Variants in ZNF143 observed in about 807,000 individuals in gnomAD.
ZNF143 encodes the protein SPH-binding factor.
ZNF143 carries 49 observed loss-of-function variants against 74.1 expected under a neutral mutation model. That is an observed-to-expected ratio of 0.66 (90% confidence interval 0.53 to 0.84). The LOEUF (loss-of-function observed/expected upper bound fraction) is 0.84. ZNF143 is among the 40% of genes least tolerant of loss of function. The pLI, the probability that ZNF143 is intolerant of heterozygous loss-of-function variation, is 0.00. For missense variants in ZNF143, 637 were observed against 793.4 expected (o/e 0.80, Z 2.37); for synonymous variants, 304 against 282.8 (o/e 1.07, Z -0.75).
At chr11:9,469,634 T>C (rs1052051131) in intron 1 of ZNF143, among the ~76,000 whole-genome samples, 3 of 152,196 alleles carry the variant, frequency 2.0e-5, no homozygotes, top group Non-Finnish European at 2.9e-5. Context: ...TGAACAGTTA[T>C]AGATTATGGA....
In ZNF143 at chr11:9,513,948, A is replaced by G. The variant is rs373177795; in HGVS notation, c.1524+1352A>G. ...ATCTGTTCCATTGTTGGATAATTCT[A>G]GTGTTTGTTTGTGTGGTTTTAGAGA... is the stretch of plus-strand genomic sequence containing the variant. On this transcript the variant is annotated intron_variant, in intron 13 of 15. Transcript: ENST00000396602. Among the ~76,000 whole-genome samples, 12 of 152,286 alleles carry G rather than the reference A, an allele frequency of 7.9e-5. No individual in the cohort carries two copies. In the East Asian group the frequency reaches 1.2e-3, roughly 15 times the overall value.
intron 14 of ZNF143, 96 bp downstream of exon 14, chr11:9,516,458 C>A: frequency 1.7e-6 from 2 of 1,186,846 alleles, no homozygotes; most frequent in Non-Finnish European, 2.3e-6. Flanking sequence ...AGCACACAAA[C>A]TTGGGAGTGA....
At chr11:9,486,608 G>A (rs1476737115) in intron 7 of ZNF143, among the ~76,000 whole-genome samples, 1 of 142,902 alleles carries the variant, frequency 7.0e-6, no homozygotes, top group Non-Finnish European at 1.5e-5. Flanking sequence ...TTTTATCTGC[G>A]AAAGACGTTT....
At chr11:9,464,086 T>TG (rs1565016580) in intron 1 of ZNF143, among the ~76,000 whole-genome samples, 2,578 of 124,114 alleles carry the variant, frequency 0.021, 43 homozygotes, top group South Asian at 0.035. Flanking sequence ...GTGTGTGTGT[T>TG]TGTGTGTGTG....
At position 9,508,651 on chromosome 11, in the gene ZNF143, T is replaced by C; in HGVS notation, c.1180T>C (p.Cys394Arg). Residue 394 changes from cysteine (C) to arginine (R), a missense_variant, in exon 12 of 16, where the codon TGT becomes CGT. Cys to Arg is a radical substitution (Grantham distance 180). This residue lies in a region of ZNF143 where 344 missense variants were observed against 485.6 expected (regional missense o/e 0.71). Transcript: ENST00000396602. ...EKPYVCTVPG[C>R]DKRFTEYSSL... ...GCCATATGTTTGTACAGTTCCTGGG[T>C]GTGACAAAAGGTTTACAGAATATTC... 6.2e-7 allele frequency: 1 copy of C among 1,613,490 alleles called. No homozygotes were observed. The highest frequency in any genetic ancestry group is 1.1e-5 in the South Asian group (1 of 91,074).
At chr11:9,497,616 C>G (rs1848007768) in intron 9 of ZNF143, 59 bp from the exon 10 acceptor site, 1 of 1,318,484 alleles carries the variant, frequency 7.6e-7, no homozygotes, top group East Asian at 2.4e-5. Flanking sequence ...AGCTTATTCT[C>G]AGTGTGCATG....
chr11:9,462,163 C>T (rs1358465416), intron 1 of ZNF143: 6 of 151,090 alleles, frequency 4.0e-5, no homozygotes, highest in African/African-American at 1.5e-4. Flanking sequence ...TTTGTCCTGG[C>T]GTATTTTGAC....
intron 12 of ZNF143, among the ~76,000 whole-genome samples, 172 bp from the exon 13 acceptor site, chr11:9,512,276 G>T (rs2134179648): frequency 6.6e-6 from 1 of 152,270 alleles, no homozygotes; most frequent in East Asian, 1.9e-4. Context: ...GTTTGCCTTT[G>T]CAAAAGTGGA....
chr11:9,468,972 A>G (rs908622599), intron 1 of ZNF143, among the ~76,000 whole-genome samples: 1 of 151,654 alleles, frequency 6.6e-6, no homozygotes, highest in Non-Finnish European at 1.5e-5. Flanking sequence ...CACCTCTACT[A>G]AAAATACAAA....
chr11:9,524,931 C>T (rs1163818310), intron 14 of ZNF143, among the ~76,000 whole-genome samples: 1 of 152,250 alleles, frequency 6.6e-6, no homozygotes, highest in African/African-American at 2.4e-5. Flanking sequence ...ACATAACTTC[C>T]CAAGCAGTCA....
chr11:9,468,825 A>C (rs939437070), intron 1 of ZNF143, among the ~76,000 whole-genome samples: 1 of 152,070 alleles, frequency 6.6e-6, no homozygotes, highest in Non-Finnish European at 1.5e-5. Flanking sequence ...TGACAGAGTG[A>C]GACTCGACTT....
intron 10 of ZNF143, among the ~76,000 whole-genome samples, chr11:9,500,559 G>A (rs974383125): frequency 4.6e-5 from 7 of 151,670 alleles, no homozygotes; most frequent in South Asian, 2.1e-4. Flanking sequence ...TCAGCCTCTC[G>A]AGTAGCTGGG....
chr11:9,466,954 C>G (rs1251209873), intron 1 of ZNF143, among the ~76,000 whole-genome samples: 1 of 151,362 alleles, frequency 6.6e-6, no homozygotes, highest in African/African-American at 2.4e-5. Flanking sequence ...AGTGCAGTGG[C>G]GCGATCTCGG....
chr11:9,527,657 T>G lies in ZNF143; in HGVS notation c.*44T>G. 1 of 1,580,318 alleles carries G rather than the reference T, an allele frequency of 6.3e-7. No individual in the cohort carries two copies. The highest frequency in any genetic ancestry group is 8.7e-7 in the Non-Finnish European group (1 of 1,150,868). On this transcript the variant is annotated 3_prime_UTR_variant, in exon 16 of 16. Coordinates refer to ENST00000396602, the MANE Select transcript of ZNF143 (RefSeq NM_003442.6). ...AATAAAGCAGAAGGAGTCTTTCATC[T>G]TCTGGCAGCAGAAATCCATGAAGCC...
chr11:9,500,585 C>CA (rs1848124954), intron 10 of ZNF143, among the ~76,000 whole-genome samples: 1 of 151,988 alleles, frequency 6.6e-6, no homozygotes, highest in Non-Finnish European at 1.5e-5. Flanking sequence ...AGGCGCCCGG[C>CA]ACCATGCCCA....
At chr11:9,472,914 CTTTT>C in intron 3 of ZNF143, 145 bp downstream of exon 3, 26 of 322,942 alleles carry the variant, frequency 8.1e-5, no homozygotes, top group Admixed American at 1.0e-4. Context: ...CAGTTTAATT[CTTTT>C]TTTTTTTTTT....
chr11:9,492,225 C>T (rs764676342), intron 7 of ZNF143, among the ~76,000 whole-genome samples: 72 of 151,838 alleles, frequency 4.7e-4, no homozygotes, highest in Admixed American at 7.9e-4. Context: ...ATTCTCCTGC[C>T]GCAGCCTCCC....
rs542674101 is a variant in ZNF143 at position 9,517,060 on chromosome 11, G to A, written c.1686+698G>A. The stretch of plus-strand genomic sequence containing the variant: ...CTCCCGAGTAGCTGAGACTACAGGT[G>A]TGCACCACCATGCCTGGCTAATTTT... On this transcript the variant is annotated intron_variant, in intron 14 of 15. Coordinates refer to ENST00000396602, the MANE Select transcript of ZNF143 (RefSeq NM_003442.6). Among the ~76,000 whole-genome samples the A allele has an allele frequency of 2.0e-5, 3 of 152,232 alleles. No homozygotes were observed. The South Asian group carries it at 6.2e-4, about 32-fold the overall frequency.
intron 6 of ZNF143, among the ~76,000 whole-genome samples, chr11:9,479,238 C>A (rs1446164584): frequency 2.0e-5 from 3 of 151,906 alleles, no homozygotes; most frequent in Non-Finnish European, 4.4e-5. Flanking sequence ...CTCCTGGGCT[C>A]AGATGATCCT....
Sources: gnomAD v4.1 joint callset for allele counts (sites outside exome capture counted in the v4.1 genomes callset) on GRCh38, gnomAD v4.1.1 for gene constraint, gnomAD v4.1.1 regional missense constraint, MANE v1.5 for transcripts, NCBI Gene and HGNC (gene_info 2026-07-23, HGNC 2026-07-21) for gene names.